Variants in LDLRAD4 observed in about 807,000 individuals in gnomAD.
LDLRAD4 encodes the protein low-density lipoprotein receptor class A domain-containing protein 4.
In LDLRAD4, 5 loss-of-function variants were observed where a neutral mutation model predicts 17.0. That is an observed-to-expected ratio of 0.29 (90% CI 0.15 to 0.62). The LOEUF (loss-of-function observed/expected upper bound fraction) is 0.62. LDLRAD4 is among the 20% of genes least tolerant of loss of function. The pLI is 0.84. For synonymous variants in LDLRAD4, 168 were observed against 171.8 expected (o/e 0.98, Z 0.17); for missense variants, 340 against 424.7 (o/e 0.80, Z 1.75).
chr18:13,626,127 G>A (rs2041148727), intron 4 of LDLRAD4, among the ~76,000 whole-genome samples: 1 of 152,088 alleles, frequency 6.6e-6, no homozygotes, highest in South Asian at 2.1e-4. Context: ...CAAAGCAAAT[G>A]CTTACATCAT....
At chr18:13,638,803 G>A (rs1048853288) in intron 4 of LDLRAD4, among the ~76,000 whole-genome samples, 5 of 152,182 alleles carry the variant, frequency 3.3e-5, no homozygotes, top group African/African-American at 4.8e-5. Context: ...GTGACTCCAT[G>A]AGCCCTGGGA....
chr18:13,375,059 G>T (rs1347362975), intron 1 of LDLRAD4, among the ~76,000 whole-genome samples: 1 of 152,234 alleles, frequency 6.6e-6, no homozygotes, highest in Non-Finnish European at 1.5e-5. Context: ...TCTGAGGTCT[G>T]TTTCCATGGG....
chr18:13,452,464 GTC>G (rs1164964061), intron 3 of LDLRAD4, among the ~76,000 whole-genome samples: 6 of 152,150 alleles, frequency 3.9e-5, no homozygotes, highest in African/African-American at 1.4e-4. Context: ...CTGTGAGCAA[GTC>G]TCTGCGAGGG....
chr18:13,373,301 GCCT>G (rs1269612133), intron 1 of LDLRAD4, among the ~76,000 whole-genome samples: 1 of 152,028 alleles, frequency 6.6e-6, no homozygotes, highest in African/African-American at 2.4e-5. Flanking sequence ...CCAACTCATG[GCCT>G]TTTTTTAAGT....
intron 3 of LDLRAD4, among the ~76,000 whole-genome samples, chr18:13,463,779 A>T (rs2092523257): frequency 6.6e-6 from 1 of 152,170 alleles, no homozygotes; most frequent in Non-Finnish European, 1.5e-5. Context: ...GCCTTTAGGG[A>T]GCTGCAGCAG....
At chr18:13,473,874 C>CT (rs2092863432) in intron 3 of LDLRAD4, among the ~76,000 whole-genome samples, 1 of 151,550 alleles carries the variant, frequency 6.6e-6, no homozygotes, top group African/African-American at 2.4e-5. Flanking sequence ...CATGCTCTTG[C>CT]TGATGTGGTT....
At chr18:13,486,917 C>G (rs767326996) in intron 3 of LDLRAD4, 1 of 152,188 alleles carries the variant, frequency 6.6e-6, no homozygotes, top group African/African-American at 2.4e-5. Context: ...TCCACTCCCG[C>G]TGGCACGTCC....
At chr18:13,616,615 C>G (rs778886208) in intron 3 of LDLRAD4, among the ~76,000 whole-genome samples, 1 of 152,182 alleles carries the variant, frequency 6.6e-6, no homozygotes, top group Non-Finnish European at 1.5e-5. Context: ...GAGCACCCAC[C>G]GGCCACCGTC....
chr18:13,289,714 A>G (rs917990907), intron 1 of LDLRAD4, among the ~76,000 whole-genome samples: 1 of 152,168 alleles, frequency 6.6e-6, no homozygotes, highest in Non-Finnish European at 1.5e-5. Flanking sequence ...GTCCTGAGCC[A>G]TTGGGACTGC....
At chr18:13,277,892 G>T (rs1327589814), upstream of LDLRAD4, among the ~76,000 whole-genome samples, 1 of 152,240 alleles carries the variant, frequency 6.6e-6, no homozygotes, top group African/African-American at 2.4e-5. Flanking sequence ...GGCAGAGGGG[G>T]ATTTTGTCCC....
chr18:13,466,925 C>CA (rs2092637982), intron 3 of LDLRAD4, among the ~76,000 whole-genome samples: 1 of 152,210 alleles, frequency 6.6e-6, no homozygotes, highest in East Asian at 1.9e-4. Context: ...ATGACCTAAT[C>CA]ACCTCCTGAA....
intron 1 of LDLRAD4, among the ~76,000 whole-genome samples, chr18:13,325,289 G>A (rs1465208758): frequency 6.6e-6 from 1 of 152,190 alleles, no homozygotes; most frequent in Non-Finnish European, 1.5e-5. Context: ...ACTTGCAGTC[G>A]TGGCTATGGA....
intron 1 of LDLRAD4, among the ~76,000 whole-genome samples, chr18:13,358,768 G>A (rs2083490098): frequency 6.6e-6 from 1 of 152,070 alleles, no homozygotes; most frequent in Non-Finnish European, 1.5e-5. Flanking sequence ...TAGAAAGTTG[G>A]CTTACCATAT....
intron 3 of LDLRAD4, among the ~76,000 whole-genome samples, chr18:13,496,321 G>A (rs569307025): frequency 1.3e-5 from 2 of 152,316 alleles, no homozygotes; most frequent in Non-Finnish European, 2.9e-5. Flanking sequence ...AACAATTTTA[G>A]TGGGGTCTGG....
intron 1 of LDLRAD4, among the ~76,000 whole-genome samples, chr18:13,227,045 A>G (rs1241098092): frequency 2.6e-5 from 4 of 152,198 alleles, no homozygotes; most frequent in Non-Finnish European, 5.9e-5. Context: ...TCTTGCCCCT[A>G]AGGATGCAGA....
At position 13,453,390 on chromosome 18, in the gene LDLRAD4, TG is replaced by T. The variant is rs1433655365; in HGVS notation, c.181+15007del. On this transcript the variant is annotated intron_variant, in intron 3 of 5. Coordinates refer to ENST00000359446, the Ensembl canonical transcript of LDLRAD4. ...CATGACAATGGATTTGTGCACTTTTTGTATCACAGGAATGAGTTAAAATCAA... is the reference window on the plus strand; with the variant it reads ...CATGACAATGGATTTGTGCACTTTTTTATCACAGGAATGAGTTAAAATCAA... Among the ~76,000 whole-genome samples the T allele has an allele frequency of 7.9e-5, 12 of 152,272 alleles. No homozygotes were observed. In the East Asian group the frequency reaches 1.9e-3, roughly 25 times the overall value.
At chr18:13,281,549 G>A (rs1168621327) in intron 1 of LDLRAD4, among the ~76,000 whole-genome samples, 3 of 152,200 alleles carry the variant, frequency 2.0e-5, no homozygotes, top group African/African-American at 4.8e-5. Flanking sequence ...GGGGTGCCCC[G>A]AGGTTTCCCA....
intron 3 of LDLRAD4, among the ~76,000 whole-genome samples, chr18:13,483,058 C>A (rs1380334853): frequency 2.0e-5 from 3 of 152,114 alleles, no homozygotes; most frequent in Non-Finnish European, 4.4e-5. Context: ...GGAGAGAGGC[C>A]TTGGTTCTGA....
intron 4 of LDLRAD4, among the ~76,000 whole-genome samples, chr18:13,625,015 C>T (rs1033903000): frequency 2.6e-5 from 4 of 152,192 alleles, no homozygotes; most frequent in Non-Finnish European, 5.9e-5. Flanking sequence ...CTGCAGCACC[C>T]GAGGCCCTGG....
Sources: allele counts gnomAD v4.1 joint callset (sites outside exome capture counted in the v4.1 genomes callset), GRCh38; gene constraint gnomAD v4.1.1; transcripts MANE v1.5; gene names NCBI Gene and HGNC (gene_info 2026-07-23, HGNC 2026-07-21).